The following RPS6KC1 variants were observed in gnomAD, a reference collection of about 807,000 sequenced individuals.
The protein encoded by RPS6KC1 is inactive ribosomal protein S6 kinase delta-1.
A neutral mutation model predicts 103.8 loss-of-function variants in RPS6KC1; 54 were observed. That is an observed-to-expected ratio of 0.52 (90% CI 0.42 to 0.65). The LOEUF is 0.65. Among genes scored for constraint, RPS6KC1 ranks in the 30% least tolerant of loss-of-function variants. The pLI is 0.00. For synonymous variants in RPS6KC1, 439 were observed against 438.7 expected, an observed-to-expected ratio of 1.00 and a Z score of -0.01; for missense variants, 1,151 against 1,253.8, an observed-to-expected ratio of 0.92 and a Z score of 1.24.
At chr1:213,673,671 G>A in the RPS6KC1 span, among the ~76,000 whole-genome samples, 1 of 152,140 alleles carries the variant, frequency 6.6e-6, no homozygotes, top group Admixed American at 6.5e-5. Flanking sequence ...GAAATTTTCT[G>A]CCTGTATTAT....
chr1:213,361,044 C>T, the RPS6KC1 span, among the ~76,000 whole-genome samples: 2 of 152,216 alleles, frequency 1.3e-5, no homozygotes, highest in South Asian at 4.1e-4. Context: ...GTTCTCAGAT[C>T]TCAAACTCCA....
intron 4 of RPS6KC1, among the ~76,000 whole-genome samples, chr1:213,108,547 T>C (rs1477431919): frequency 6.6e-6 from 1 of 152,164 alleles, no homozygotes; most frequent in Non-Finnish European, 1.5e-5. Context: ...AAAATTGTTA[T>C]GGCAATTTTG....
At chr1:213,464,048 T>C in the RPS6KC1 span, among the ~76,000 whole-genome samples, 1 of 152,162 alleles carries the variant, frequency 6.6e-6, no homozygotes, top group Non-Finnish European at 1.5e-5. Context: ...TAGAATAAAG[T>C]GATTTTGGTT....
the RPS6KC1 span, among the ~76,000 whole-genome samples, chr1:213,404,068 G>A: frequency 2.0e-5 from 3 of 152,154 alleles, no homozygotes; most frequent in African/African-American, 4.8e-5. Flanking sequence ...GGATAGTCGC[G>A]GGGGCTGGGA....
the RPS6KC1 span, among the ~76,000 whole-genome samples, chr1:213,441,383 T>C: frequency 6.6e-6 from 1 of 152,162 alleles, no homozygotes; most frequent in Non-Finnish European, 1.5e-5. Flanking sequence ...ACCATTATAT[T>C]CTCTGCTCCT....
At chr1:213,570,647 A>G in the RPS6KC1 span, among the ~76,000 whole-genome samples, 1 of 152,184 alleles carries the variant, frequency 6.6e-6, no homozygotes, top group Admixed American at 6.5e-5. Flanking sequence ...GGTGAGTCTC[A>G]TCTGGCTTGT....
intron 8 of RPS6KC1, among the ~76,000 whole-genome samples, chr1:213,189,038 A>G (rs1411072662): frequency 6.6e-6 from 1 of 152,212 alleles, no homozygotes. Context: ...CAAAATGTAG[A>G]CATAGTCCCA....
At chr1:213,619,133 T>C in the RPS6KC1 span, among the ~76,000 whole-genome samples, 4 of 152,236 alleles carry the variant, frequency 2.6e-5, no homozygotes, top group Admixed American at 2.6e-4. Context: ...AGTTGATTAG[T>C]GACTCAACAA....
chr1:213,424,783 A>G, the RPS6KC1 span, among the ~76,000 whole-genome samples: 1 of 152,226 alleles, frequency 6.6e-6, no homozygotes, highest in South Asian at 2.1e-4. Flanking sequence ...AAACTTCAAG[A>G]AGCAGGATGA....
the RPS6KC1 span, among the ~76,000 whole-genome samples, chr1:213,804,593 C>G: frequency 6.6e-6 from 1 of 152,204 alleles, no homozygotes; most frequent in East Asian, 1.9e-4. Context: ...ATTCTAATAT[C>G]TTTTCCAGTA....
At position 213,104,560 on chromosome 1, in the gene RPS6KC1, C is replaced by A; in HGVS notation, c.369C>A (p.Asp123Glu). ...PALYNSKQLEDFFKGGIINDS... is the reference protein window; with the variant it reads ...PALYNSKQLEEFFKGGIINDS... Reference sequence around the variant, plus strand: ...TTTACAATAGTAAACAGCTTGAAGACTTTTTCAAGGTTTGGTAGTCTTTCT... The same window carrying A: ...TTTACAATAGTAAACAGCTTGAAGAATTTTTCAAGGTTTGGTAGTCTTTCT... The change falls in exon 4 of 15, where the codon GAC (aspartate) becomes GAA (glutamate). Residue 123 changes from aspartate to glutamate, a missense_variant. Around this residue, in one of 3 missense-constraint regions of RPS6KC1, gnomAD observed 959 missense variants for 1,006.3 expected, o/e 0.95. Coordinates refer to ENST00000366960, the MANE Select transcript of RPS6KC1 (RefSeq NM_012424.6). The A allele has an allele frequency of 6.4e-7, 1 of 1,570,936 alleles. No individual in the cohort carries two copies. Among genetic ancestry groups the A allele is most frequent in the Non-Finnish European group, 8.7e-7 (1 of 1,146,494 alleles).
At chr1:213,363,608 TGC>T in the RPS6KC1 span, among the ~76,000 whole-genome samples, 43 of 67,668 alleles carry the variant, frequency 6.4e-4, 1 homozygote, top group African/African-American at 2.7e-3. Flanking sequence ...CTCGCTCGCT[TGC>T]TTGCTTGCTT....
chr1:213,749,398 G>C, the RPS6KC1 span, among the ~76,000 whole-genome samples: 32 of 152,132 alleles, frequency 2.1e-4, no homozygotes, highest in East Asian at 9.6e-4. Context: ...TATAGAACAG[G>C]GGGGAGAGGT....
At chr1:213,614,782 T>G in the RPS6KC1 span, among the ~76,000 whole-genome samples, 3 of 152,358 alleles carry the variant, frequency 2.0e-5, no homozygotes, top group African/African-American at 7.2e-5. Context: ...GGGACAAGAC[T>G]GGGCTCTTTC....
chr1:213,289,956 T>A, the RPS6KC1 span, among the ~76,000 whole-genome samples: 1 of 151,870 alleles, frequency 6.6e-6, no homozygotes, highest in African/African-American at 2.4e-5. Context: ...GGAGAATCTC[T>A]TGAACCCAGG....
chr1:213,074,875 CG>C (rs2079178797), intron 2 of RPS6KC1, among the ~76,000 whole-genome samples: 1 of 17,228 alleles, frequency 5.8e-5, no homozygotes, highest in Admixed American at 6.5e-4. Flanking sequence ...TTTTTTTTTA[CG>C]GAGTCTCGCT....
intron 7 of RPS6KC1, among the ~76,000 whole-genome samples, chr1:213,168,866 C>G (rs1244888970): frequency 2.0e-5 from 3 of 152,138 alleles, no homozygotes. Flanking sequence ...TCATGATCTG[C>G]CCGCCTCAGC....
At chr1:213,683,655 G>C in the RPS6KC1 span, among the ~76,000 whole-genome samples, 3 of 152,244 alleles carry the variant, frequency 2.0e-5, no homozygotes, top group East Asian at 1.9e-4. Flanking sequence ...TCACACATGA[G>C]AGCCCTAACT....
chr1:213,116,617 C>A (rs543299037), intron 4 of RPS6KC1, among the ~76,000 whole-genome samples: 1 of 150,380 alleles, frequency 6.6e-6, no homozygotes, highest in African/African-American at 2.5e-5. Flanking sequence ...GGTTATTTTG[C>A]TCGTTAGTCG....
Sources: allele counts gnomAD v4.1 joint callset (sites outside exome capture counted in the v4.1 genomes callset), GRCh38; gene constraint gnomAD v4.1.1; regional missense constraint gnomAD v4.1.1; transcripts MANE v1.5; gene names NCBI Gene and HGNC (gene_info 2026-07-23, HGNC 2026-07-21).